Variants in SBNO2 observed in about 807,000 individuals in gnomAD.
The protein encoded by SBNO2 is protein strawberry notch homolog 2.
Under a neutral mutation model 146.3 loss-of-function variants are expected in SBNO2, and 89 were observed. The observed-to-expected ratio is 0.61, with a 90% CI of 0.51 to 0.73. The LOEUF (loss-of-function observed/expected upper bound fraction) is 0.73, where lower values mean the gene tolerates loss of function less well. Ranked by LOEUF, SBNO2 falls within the 30% of genes least tolerant of loss-of-function variation. The probability of loss-of-function intolerance (pLI) is 0.00; values close to 1 mark genes in which losing one functional copy is unlikely to be tolerated. For synonymous variants in SBNO2, 1,147 were observed against 892.6 expected (o/e 1.29, Z -5.08); for missense variants, 2,092 against 2,003.7 (o/e 1.04, Z -0.84).
chr19:1,142,097 CACTCAGTGACCTCCCTCATGATCAACCCT>C (rs2080143952), intron 4 of SBNO2, among the ~76,000 whole-genome samples: 4 of 77,870 alleles, frequency 5.1e-5, no homozygotes, highest in African/African-American at 9.4e-5. Flanking sequence ...GATCAACCCT[CACTCAGTGACCTCCCTCATGATCAACCCT>C]CCCTCAATGA....
chr19:1,114,463 A>AAGGTGGAGGAGC (rs1455936809), intron 17 of SBNO2, 41 bp from the exon 18 acceptor site: 7 of 1,457,690 alleles, frequency 4.8e-6, no homozygotes, highest in Non-Finnish European at 6.4e-6. Context: ...AGACCGCAGC[A>AAGGTGGAGGAGC]AGGTGGAGGA....
Position 1,109,182 on chromosome 19 carries a change from C to T in SBNO2, c.3378G>A (p.Trp1126Ter). The change falls in exon 30 of 32, where the codon TGG (tryptophan) becomes TGA (stop). Residue 1126 changes from tryptophan to a stop codon, truncating the protein, a stop_gained. Transcript: ENST00000361757. LOFTEE classifies it high-confidence loss of function. The surrounding 1 kb of genome is among the most constrained non-coding windows in gnomAD (Gnocchi z 4.2). Reference protein sequence around the residue: ...RVTAEEAKEPWESGYALSLTH... With the variant: ...RVTAEEAKEP ...TCAGCGACAAAGCGTAGCCACTCTC[C>T]CAGGGCTCCTTGGCCTCCTCCGCGG... 1 of 1,562,000 alleles carries T rather than the reference C, an allele frequency of 6.4e-7. No individual in the cohort carries two copies. The highest frequency in any genetic ancestry group is 8.7e-7 in the Non-Finnish European group (1 of 1,154,142).
intron 1 of SBNO2, among the ~76,000 whole-genome samples, chr19:1,162,842 C>T (rs2080362660): frequency 6.6e-6 from 1 of 152,226 alleles, no homozygotes; most frequent in Admixed American, 6.5e-5. Context: ...CGCCGGACAG[C>T]GTTCAGTGGG....
intron 1 of SBNO2, 37 bp from the exon 2 acceptor site, chr19:1,154,439 G>C (rs940613536): frequency 5.1e-6 from 2 of 395,428 alleles, no homozygotes; most frequent in Non-Finnish European, 4.4e-6. Context: ...AGAGTCCAAC[G>C]GTGGTGGAGA....
chr19:1,170,937 AGCACACACACAAAATACAC>A (rs1467778494), intron 1 of SBNO2, among the ~76,000 whole-genome samples: 61 of 152,258 alleles, frequency 4.0e-4, no homozygotes, highest in African/African-American at 1.2e-3. Context: ...CACACACATG[AGCACACACACAAAATACAC>A]ACAACCACCA....
intron 1 of SBNO2, among the ~76,000 whole-genome samples, chr19:1,161,048 C>T (rs1014095045): frequency 4.2e-5 from 5 of 119,818 alleles, no homozygotes; most frequent in African/African-American, 1.3e-4. Flanking sequence ...ACAGCCAGAC[C>T]GGGAGCACCG....
rs993376098 is a variant in SBNO2, at chr19:1,112,483, G to A, written c.2434C>T (p.Arg812Cys). The A allele has an allele frequency of 4.4e-6, 7 of 1,606,794 alleles. No homozygotes were observed. Among genetic ancestry groups the A allele is most frequent in the Non-Finnish European group, 5.9e-6 (7 of 1,178,474 alleles). The change falls in exon 21 of 32, where the codon CGC becomes TGC. Residue 812 changes from arginine to cysteine, a missense_variant. Physicochemically the swap from Arg to Cys is radical, Grantham distance 180. Coordinates refer to ENST00000361757, the MANE Select transcript of SBNO2 (RefSeq NM_014963.3). The surrounding 1 kb of genome is among the most constrained non-coding windows in gnomAD (Gnocchi z 5.9). The stretch of plus-strand genomic sequence containing the variant: ...CGGCGCCGCTGGTTCTGGACACGGC[G>A]GTCGGCTTGGAGGGAGACACCCGAG... ...SSSGVSLQAD[R>C]RVQNQRRRVH...
chr19:1,148,320 C>G (rs1274165297), intron 3 of SBNO2, among the ~76,000 whole-genome samples: 1 of 151,994 alleles, frequency 6.6e-6, no homozygotes, highest in Non-Finnish European at 1.5e-5. Flanking sequence ...CCACAAACAG[C>G]TGCTCCACAA....
chr19:1,155,593 C>CA (rs1265275743), intron 1 of SBNO2, among the ~76,000 whole-genome samples: 1 of 152,210 alleles, frequency 6.6e-6, no homozygotes, highest in Non-Finnish European at 1.5e-5. Context: ...CAATCCTTGT[C>CA]AAAGATTCTG....
chr19:1,116,319 C>T (rs1170768436), intron 16 of SBNO2, among the ~76,000 whole-genome samples: 1 of 151,410 alleles, frequency 6.6e-6, no homozygotes, highest in Non-Finnish European at 1.5e-5. Flanking sequence ...CCTCGGCCAC[C>T]AGGCTTCCCC....
At chr19:1,133,650 G>A (rs1292443652) in intron 4 of SBNO2, among the ~76,000 whole-genome samples, 2 of 152,320 alleles carry the variant, frequency 1.3e-5, no homozygotes, top group African/African-American at 2.4e-5. Flanking sequence ...CACCCCGCCC[G>A]CCAATGGAAA....
chr19:1,144,479 G>A lies in SBNO2; in HGVS notation c.279+2830C>T, dbSNP rs1414274426. Among the ~76,000 whole-genome samples, 1 of 152,214 alleles carries A rather than the reference G, an allele frequency of 6.6e-6. No individual in the cohort carries two copies. Among genetic ancestry groups the A allele is most frequent in the Non-Finnish European group, 1.5e-5 (1 of 68,044 alleles). Reference sequence around the variant, plus strand: ...GGCTCCGGGCTGAACAGATGCAGCAGCAATTGTTCAGGAGGGGAGGAGCAG... The same window carrying A: ...GGCTCCGGGCTGAACAGATGCAGCAACAATTGTTCAGGAGGGGAGGAGCAG... On this transcript the variant is annotated intron_variant, in intron 4 of 31. Coordinates refer to ENST00000361757, the MANE Select transcript of SBNO2 (RefSeq NM_014963.3). This position sits in a 1 kb window ranked among gnomAD's most constrained non-coding sequence, Gnocchi z 4.1.
rs2145179008 is a variant in SBNO2, at chr19:1,108,479, G to A, written c.3842C>T (p.Ser1281Phe). The change falls in exon 32 of 32, where the codon TCC (serine) becomes TTC (phenylalanine). Residue 1281 changes from serine (S) to phenylalanine (F), a missense_variant. Physicochemically the swap from Ser to Phe is radical, Grantham distance 155 (BLOSUM62 -2). Coordinates refer to ENST00000361757, the MANE Select transcript of SBNO2 (RefSeq NM_014963.3). ...PPHFSFPAPLSLDAGPGVVPL... is the reference protein window; with the variant it reads ...PPHFSFPAPLFLDAGPGVVPL... ...CACGACGCCGGGGCCGGCGTCCAGG[G>A]ACAGCGGCGCCGGGAAAGAGAAGTG... 6.5e-6 allele frequency: 8 copies of A among 1,222,382 alleles called. No homozygotes were observed. Among genetic ancestry groups the A allele is most frequent in the African/African-American group, 3.2e-5 (2 of 61,648 alleles). 75.7% of individuals were successfully genotyped at this position (1,222,382 alleles called of 1,614,324 possible).
In SBNO2 at chr19:1,112,890, C is replaced by G; in HGVS notation, c.2307G>C (p.Ser769=). ...CGATGGACAGACCCTGCTCTGCCCG[C>G]GACTCGAAGGCCACCGTCCCGTCGG... ...SRPDGTVAFE[S]RAEQGLSIDH... Residue 769 remains serine (S), a synonymous_variant, in exon 20 of 32, where the codon TCG becomes TCC. Transcript: ENST00000361757. The surrounding 1 kb of genome is among the most constrained non-coding windows in gnomAD (Gnocchi z 5.9). The G allele has an allele frequency of 1.3e-6, 2 of 1,572,128 alleles. No individual in the cohort carries two copies. The highest frequency in any genetic ancestry group is 1.7e-6 in the Non-Finnish European group (2 of 1,160,298).
rs929747663 is a variant in SBNO2 at position 1,126,143 on chromosome 19, A to G, written c.441+1461T>C. Among the ~76,000 whole-genome samples, 2 of 152,192 alleles carry G rather than the reference A, an allele frequency of 1.3e-5. No individual in the cohort carries two copies. Among genetic ancestry groups the G allele is most frequent in the Admixed American group, 1.3e-4 (2 of 15,276 alleles). ...GGCAGTGTGTGGGAGCCACCAGGCT[A>G]GTGATGCTAATGAACTGAGTCCACA... On this transcript the variant is annotated intron_variant, in intron 5 of 31. Transcript: ENST00000361757. This position sits in a 1 kb window ranked among gnomAD's most constrained non-coding sequence, Gnocchi z 4.4.
rs541047072 is a variant in SBNO2 at position 1,150,023 on chromosome 19, C to T, written c.94-581G>A. Among the ~76,000 whole-genome samples, 26 of 152,238 alleles carry T rather than the reference C, an allele frequency of 1.7e-4. No individual in the cohort carries two copies. Among genetic ancestry groups the T allele is most frequent in the East Asian group, 7.7e-4 (4 of 5,178 alleles). On this transcript the variant is annotated intron_variant, in intron 2 of 31. Coordinates refer to ENST00000361757, the MANE Select transcript of SBNO2 (RefSeq NM_014963.3). This position sits in a 1 kb window ranked among gnomAD's most constrained non-coding sequence, Gnocchi z 6.2. ...TCAGAAGCTGCACGGGGCTGGGGTG[C>T]GGGGAGCCTGCTTTGGGAAATGGTG... is the stretch of plus-strand genomic sequence containing the variant.
At chr19:1,108,750 C>T in intron 31 of SBNO2, 29 bp downstream of exon 31, 2 of 1,593,244 alleles carry the variant, frequency 1.3e-6, no homozygotes, top group South Asian at 2.2e-5. Context: ...GGGGCTCGGG[C>T]CTTCCCGGGG....
intron 1 of SBNO2, among the ~76,000 whole-genome samples, chr19:1,164,815 C>G (rs868216120): frequency 0.43 from 91 of 210 alleles, 5 homozygotes; most frequent in East Asian, 0.5. Context: ...GGAGGAGGAG[C>G]AGGAGGAGGG....
At chr19:1,138,822 C>T (rs1455696549) in intron 4 of SBNO2, among the ~76,000 whole-genome samples, 1 of 150,188 alleles carries the variant, frequency 6.7e-6, no homozygotes, top group Admixed American at 6.6e-5. Flanking sequence ...CGGACAGACA[C>T]AGTTGGTCCT....
Sources: allele counts gnomAD v4.1 joint callset (sites outside exome capture counted in the v4.1 genomes callset), GRCh38; gene constraint gnomAD v4.1.1; non-coding constraint Gnocchi (gnomAD v3.1); transcripts MANE v1.5; gene names NCBI Gene and HGNC (gene_info 2026-07-23, HGNC 2026-07-21).